Variants in LMO1 observed in about 807,000 individuals in gnomAD.
LMO1 encodes the protein LIM domain only 1.
A neutral mutation model predicts 18.0 loss-of-function variants in LMO1; 10 were observed. That is an observed-to-expected ratio of 0.55 (90% confidence interval 0.34 to 0.94). LMO1 has a LOEUF of 0.94. Ranked by LOEUF, LMO1 falls within the 40% of genes least tolerant of loss-of-function variation. The pLI is 0.02. For synonymous variants in LMO1, 77 were observed against 77.9 expected (o/e 0.99, Z 0.06); for missense variants, 183 against 205.7 (o/e 0.89, Z 0.68).
At chr11:8,231,178 C>T (rs1166067455) in intron 1 of LMO1, among the ~76,000 whole-genome samples, 1 of 152,208 alleles carries the variant, frequency 6.6e-6, no homozygotes, top group Admixed American at 6.5e-5. Context: ...TGGGGGAGGG[C>T]AGGCTCTGAG....
chr11:8,226,918 A>G (rs1163708177), intron 3 of LMO1, 57 bp downstream of exon 3: 1 of 1,564,194 alleles, frequency 6.4e-7, no homozygotes, highest in East Asian at 2.3e-5. Context: ...GGCCCATCCC[A>G]GCAGGCCTCA....
In LMO1 at chr11:8,230,651, A is replaced by G. The variant is rs551310334; in HGVS notation, c.26-147T>C. ...CCCAGGAGCCCTCGCTTTCTCCCCAATAACCTCCTCCCCTGGCTCCGGGTC... is the reference window on the plus strand; with the variant it reads ...CCCAGGAGCCCTCGCTTTCTCCCCAGTAACCTCCTCCCCTGGCTCCGGGTC... On this transcript the variant is annotated intron_variant, in intron 1 of 3. Coordinates refer to ENST00000335790, the MANE Select transcript of LMO1 (RefSeq NM_002315.3). 3.5e-4 allele frequency: 267 copies of G among 763,048 alleles called. 1 individual carries two copies. The highest frequency in any genetic ancestry group is 2.6e-3 in the African/African-American group (151 of 57,816). The allele number at this position is 763,048 out of a possible 1,614,324, so 47.3% of individuals were successfully genotyped here. A position where few individuals can be genotyped will look rare whatever the true frequency, so the allele number is the denominator to read the frequency against.
At chr11:8,232,589 C>G (rs1181249373) in intron 1 of LMO1, among the ~76,000 whole-genome samples, 2 of 152,206 alleles carry the variant, frequency 1.3e-5, no homozygotes, top group African/African-American at 2.4e-5. Flanking sequence ...GGTACGCACT[C>G]AAACACCGAC....
At chr11:8,262,832 C>A (rs1847209230) in intron 1 of LMO1, among the ~76,000 whole-genome samples, 1 of 152,222 alleles carries the variant, frequency 6.6e-6, no homozygotes. Context: ...CCCTGGCGCT[C>A]GCGCCGTCCT....
At chr11:8,253,855 A>T (rs1847045691) in intron 1 of LMO1, among the ~76,000 whole-genome samples, 1 of 151,970 alleles carries the variant, frequency 6.6e-6, no homozygotes, top group Non-Finnish European at 1.5e-5. Context: ...GCCACACAAT[A>T]TTAAAATGTC....
At chr11:8,237,543 A>G (rs1952780706) in intron 1 of LMO1, among the ~76,000 whole-genome samples, 1 of 152,188 alleles carries the variant, frequency 6.6e-6, no homozygotes, top group Admixed American at 6.5e-5. Flanking sequence ...TCAAAAGCCA[A>G]CGAGAACAAC....
At position 8,263,611 on chromosome 11, in the gene LMO1, AGAGAGG is replaced by A. The variant is rs1005481435; in HGVS notation, c.-255_-250del. The A allele has an allele frequency of 2.2e-5, 30 of 1,358,812 alleles. No individual in the cohort carries two copies. The South Asian group carries it at 2.5e-4, about 11-fold the overall frequency. 84.2% of individuals were successfully genotyped at this position (1,358,812 alleles called of 1,614,324 possible). Reference sequence around the variant, plus strand: ...AGGAACTACGAACTGCAATTTAGAGAGAGAGGGAGAGGGAGAGAGAAGGGGGAAAAG... The same window carrying A: ...AGGAACTACGAACTGCAATTTAGAGAGAGAGGGAGAGAGAAGGGGGAAAAG... On this transcript the variant is annotated 5_prime_UTR_variant, in exon 1 of 4. Coordinates refer to ENST00000335790, the MANE Select transcript of LMO1 (RefSeq NM_002315.3).
intron 1 of LMO1, among the ~76,000 whole-genome samples, chr11:8,233,902 T>G (rs909678136): frequency 2.0e-5 from 3 of 152,206 alleles, no homozygotes; most frequent in Non-Finnish European, 4.4e-5. Context: ...AATGTACTCC[T>G]GACTTTAGAA....
In LMO1 at chr11:8,239,036, A is replaced by T. The variant is rs151315847; in HGVS notation, c.26-8532T>A. Among the ~76,000 whole-genome samples, 736 of 152,286 alleles carry T rather than the reference A, an allele frequency of 4.8e-3. 10 individuals are homozygous for T. The highest frequency in any genetic ancestry group is 0.017 in the African/African-American group (689 of 41,548). ...CATATTAACTCTGATGCACTAAATG[A>T]TTACCCCCATTTCACAGATGAGAAG... On this transcript the variant is annotated intron_variant, in intron 1 of 3. Transcript: ENST00000335790.
intron 2 of LMO1, among the ~76,000 whole-genome samples, chr11:8,227,659 C>T (rs923451002): frequency 6.6e-6 from 1 of 152,200 alleles, no homozygotes; most frequent in East Asian, 1.9e-4. Flanking sequence ...CAAAGATAAA[C>T]GCTTAATCCT....
chr11:8,228,932 A>C (rs1176905562), intron 2 of LMO1, among the ~76,000 whole-genome samples: 1 of 152,144 alleles, frequency 6.6e-6, no homozygotes, highest in Non-Finnish European at 1.5e-5. Context: ...CTGGCACCCA[A>C]GCTGGAGTAC....
chr11:8,262,731 G>C (rs1847207434), intron 1 of LMO1, among the ~76,000 whole-genome samples: 1 of 152,164 alleles, frequency 6.6e-6, no homozygotes, highest in African/African-American at 2.4e-5. Flanking sequence ...CTAGCGGGCC[G>C]GCACAAGAGG....
rs368960401 is a variant in LMO1 at position 8,241,714 on chromosome 11, TC to T, written c.26-11211del. Among the ~76,000 whole-genome samples, 255 of 151,564 alleles carry T rather than the reference TC, an allele frequency of 1.7e-3. 1 individual carries two copies. The highest frequency in any genetic ancestry group is 6.0e-3 in the African/African-American group (247 of 41,254). On this transcript the variant is annotated intron_variant, in intron 1 of 3. Coordinates refer to ENST00000335790, the MANE Select transcript of LMO1 (RefSeq NM_002315.3). ...TCCTTATTTCATTATTTAAATGAGCTCCCCACACTTCAGTAATTTCCTTCTG... is the reference window on the plus strand; with the variant it reads ...TCCTTATTTCATTATTTAAATGAGCTCCCACACTTCAGTAATTTCCTTCTG...
intron 1 of LMO1, among the ~76,000 whole-genome samples, chr11:8,231,827 C>T (rs955770407): frequency 6.6e-6 from 1 of 152,104 alleles, no homozygotes; most frequent in African/African-American, 2.4e-5. Flanking sequence ...AGCCCAGAGT[C>T]TGAATGGTTG....
At position 8,224,607 on chromosome 11, in the gene LMO1, C is replaced by T. The variant is rs370261934; in HGVS notation, c.*9G>A. On this transcript the variant is annotated 3_prime_UTR_variant, in exon 4 of 4. Coordinates refer to ENST00000335790, the MANE Select transcript of LMO1 (RefSeq NM_002315.3). ...TGGACAGACGGGCCTGGAGGCCAGG[C>T]GCCGGGCGTTACTGAACTTGGGATT... The T allele has an allele frequency of 2.0e-5, 31 of 1,560,404 alleles. No individual in the cohort carries two copies. Among genetic ancestry groups the T allele is most frequent in the African/African-American group, 6.8e-5 (5 of 73,714 alleles).
intron 1 of LMO1, among the ~76,000 whole-genome samples, chr11:8,250,361 C>A (rs1363123440): frequency 6.6e-6 from 1 of 152,212 alleles, no homozygotes; most frequent in Non-Finnish European, 1.5e-5. Context: ...ATTTTAATTT[C>A]TTCCTGGATC....
upstream of LMO1, among the ~76,000 whole-genome samples, chr11:8,266,990 C>T (rs1352489046): frequency 6.6e-6 from 1 of 152,232 alleles, no homozygotes; most frequent in African/African-American, 2.4e-5. Flanking sequence ...TGTTCAGATG[C>T]CCTTCCCTTC....
At chr11:8,252,998 A>G (rs1278858314) in intron 1 of LMO1, among the ~76,000 whole-genome samples, 1 of 152,216 alleles carries the variant, frequency 6.6e-6, no homozygotes, top group East Asian at 1.9e-4. Context: ...CAGGCCATTG[A>G]GAGGGGGCCC....
chr11:8,258,830 CCA>C (rs915089193), intron 1 of LMO1, among the ~76,000 whole-genome samples: 1 of 152,208 alleles, frequency 6.6e-6, no homozygotes, highest in African/African-American at 2.4e-5. Context: ...GTTCCCACAG[CCA>C]CAGAGGCCAA....
Sources: allele counts gnomAD v4.1 joint callset (sites outside exome capture counted in the v4.1 genomes callset), GRCh38; gene constraint gnomAD v4.1.1; transcripts MANE v1.5; gene names NCBI Gene and HGNC (gene_info 2026-07-23, HGNC 2026-07-21).